The following MAN2A1 variants were observed in gnomAD, a reference collection of about 807,000 sequenced individuals.
The protein encoded by MAN2A1 is alpha-mannosidase 2.
MAN2A1 carries 76 observed loss-of-function variants against 142.6 expected under a neutral mutation model. The observed-to-expected ratio is 0.53, with a 90% CI of 0.44 to 0.65. The LOEUF (loss-of-function observed/expected upper bound fraction) is 0.65, where lower values mean the gene tolerates loss of function less well. Among genes scored for constraint, MAN2A1 ranks in the 30% least tolerant of loss-of-function variants. The pLI is 0.00. For synonymous variants in MAN2A1, 559 were observed against 473.2 expected (o/e 1.18, Z -2.35); for missense variants, 1,311 against 1,365.1 (o/e 0.96, Z 0.62).
chr5:109,796,927 C>T (rs1465364543), intron 12 of MAN2A1, among the ~76,000 whole-genome samples: 2 of 152,224 alleles, frequency 1.3e-5, no homozygotes, highest in Admixed American at 6.5e-5. Flanking sequence ...GGTAGACTAG[C>T]AGCTCCATGA....
chr5:109,865,105 A>G lies in MAN2A1; in HGVS notation c.3241A>G (p.Ser1081Gly). Residue 1081 changes from serine to glycine, a missense_variant, in exon 21 of 22, where the codon AGC becomes GGC. Coordinates refer to ENST00000261483, the MANE Select transcript of MAN2A1 (RefSeq NM_002372.4). ...HRKGFDCRFS[S>G]KGTGLFCSTT... Reference sequence around the variant, plus strand: ...AAAAGGGTTTGATTGTCGGTTCTCTAGCAAAGGCACAGGGCTGTTTTGTTC... The same window carrying G: ...AAAAGGGTTTGATTGTCGGTTCTCTGGCAAAGGCACAGGGCTGTTTTGTTC... 1 of 1,614,060 alleles carries G rather than the reference A, an allele frequency of 6.2e-7. No homozygotes were observed. The highest frequency in any genetic ancestry group is 1.1e-5 in the South Asian group (1 of 91,080).
At chr5:109,707,988 A>G (rs1319736387) in intron 1 of MAN2A1, among the ~76,000 whole-genome samples, 1 of 152,094 alleles carries the variant, frequency 6.6e-6, no homozygotes, top group African/African-American at 2.4e-5. Context: ...TCAGCGGGAG[A>G]TACAAATATG....
At chr5:109,734,818 G>T (rs1752037011) in intron 4 of MAN2A1, among the ~76,000 whole-genome samples, 1 of 152,130 alleles carries the variant, frequency 6.6e-6, no homozygotes, top group Non-Finnish European at 1.5e-5. Context: ...GAATAGGTGT[G>T]GTGCGGTGCT....
chr5:109,814,826 A>T (rs1183809803), intron 12 of MAN2A1, among the ~76,000 whole-genome samples: 1 of 152,146 alleles, frequency 6.6e-6, no homozygotes, highest in Non-Finnish European at 1.5e-5. Context: ...GATGCTTATT[A>T]TCTAATTTAT....
chr5:109,807,612 C>G (rs994626359), intron 12 of MAN2A1, among the ~76,000 whole-genome samples: 17 of 152,148 alleles, frequency 1.1e-4, no homozygotes, highest in Non-Finnish European at 2.2e-4. Flanking sequence ...TAGTCTTCTT[C>G]TCTGTTGGAT....
intron 6 of MAN2A1, among the ~76,000 whole-genome samples, chr5:109,769,432 G>A (rs1165738775): frequency 1.3e-5 from 2 of 152,014 alleles, no homozygotes; most frequent in African/African-American, 4.8e-5. Flanking sequence ...AAATTTTTTT[G>A]TCTTTCTGTT....
At chr5:109,774,579 T>C (rs1753231763) in intron 7 of MAN2A1, among the ~76,000 whole-genome samples, 1 of 152,164 alleles carries the variant, frequency 6.6e-6, no homozygotes, top group African/African-American at 2.4e-5. Flanking sequence ...AATTTATGAA[T>C]ATTTTTAAAG....
At chr5:109,820,500 C>T (rs1482669998) in intron 15 of MAN2A1, among the ~76,000 whole-genome samples, 158 bp downstream of exon 15, 2 of 152,130 alleles carry the variant, frequency 1.3e-5, no homozygotes, top group Non-Finnish European at 2.9e-5. Context: ...TGATACTTAG[C>T]AATTTGTAGT....
chr5:109,719,129 T>C (rs1036458103), intron 3 of MAN2A1, among the ~76,000 whole-genome samples: 3 of 152,206 alleles, frequency 2.0e-5, no homozygotes, highest in Admixed American at 6.5e-5. Context: ...TAGTAGGTCA[T>C]CTTCTGAGTA....
In MAN2A1 at chr5:109,716,239, G is replaced by A. The variant is rs560537247; in HGVS notation, c.510G>A (p.Val170=). The A allele has an allele frequency of 5.0e-6, 8 of 1,604,296 alleles. No homozygotes were observed. In the South Asian group the frequency reaches 9.0e-5, roughly 18 times the overall value. Residue 170 remains valine, a synonymous_variant, in exon 3 of 22, where the codon GTG becomes GTA. Coordinates refer to ENST00000261483, the MANE Select transcript of MAN2A1 (RefSeq NM_002372.4). ...ACACTGAACCCCTTCAAGTCTTTGT[G>A]GTGCCTCATTCCCATAACGACCCAG... ...EWDTEPLQVF[V]VPHSHNDPGW... is the part of the protein sequence containing the mutation.
intron 4 of MAN2A1, among the ~76,000 whole-genome samples, chr5:109,743,665 C>G (rs1347713179): frequency 6.6e-6 from 1 of 152,148 alleles, no homozygotes; most frequent in Non-Finnish European, 1.5e-5. Context: ...AGACTCTGAC[C>G]CCTGCTTTTC....
intron 12 of MAN2A1, among the ~76,000 whole-genome samples, chr5:109,807,901 C>T (rs2301016): frequency 0.31 from 46,427 of 151,982 alleles, 7,557 homozygotes; most frequent in East Asian, 0.64. Flanking sequence ...ATCTACTTCG[C>T]CGTCCTGCTT....
intron 16 of MAN2A1, among the ~76,000 whole-genome samples, chr5:109,841,049 C>T (rs1177109407): frequency 2.0e-5 from 3 of 152,144 alleles, no homozygotes; most frequent in Non-Finnish European, 2.9e-5. Flanking sequence ...CAGAAAGCGT[C>T]AGCTTTATTG....
chr5:109,838,848 A>G (rs1394063021), intron 16 of MAN2A1, among the ~76,000 whole-genome samples: 1 of 152,224 alleles, frequency 6.6e-6, no homozygotes, highest in East Asian at 1.9e-4. Flanking sequence ...ACAGGGTCTG[A>G]GTATAATACT....
chr5:109,793,035 G>C (rs1371780519), intron 12 of MAN2A1, among the ~76,000 whole-genome samples: 3 of 152,040 alleles, frequency 2.0e-5, no homozygotes, highest in Admixed American at 6.6e-5. Context: ...AGATTCAAGG[G>C]GAGGGAATTA....
intron 9 of MAN2A1, among the ~76,000 whole-genome samples, chr5:109,782,075 A>G (rs1021640340): frequency 5.3e-5 from 8 of 152,168 alleles, no homozygotes; most frequent in African/African-American, 1.7e-4. Context: ...AGAACTTTAG[A>G]CTAGGCTTCA....
intron 16 of MAN2A1, among the ~76,000 whole-genome samples, chr5:109,825,940 T>C (rs943934726): frequency 7.5e-6 from 1 of 133,104 alleles, no homozygotes; most frequent in Non-Finnish European, 1.6e-5. Context: ...AGAGTCTCGC[T>C]CTATCGCCCA....
intron 12 of MAN2A1, among the ~76,000 whole-genome samples, chr5:109,795,601 C>T (rs1753837989): frequency 6.6e-6 from 1 of 152,102 alleles, no homozygotes; most frequent in African/African-American, 2.4e-5. Flanking sequence ...CTGAAAAATG[C>T]AATTACTTGC....
chr5:109,706,813 T>TGG (rs1467663506), intron 1 of MAN2A1, among the ~76,000 whole-genome samples: 1 of 152,140 alleles, frequency 6.6e-6, no homozygotes, highest in Admixed American at 6.5e-5. Flanking sequence ...GCATACACTT[T>TGG]GGGGTAAAGT....
Sources: gnomAD v4.1 joint callset for allele counts (sites outside exome capture counted in the v4.1 genomes callset) on GRCh38, gnomAD v4.1.1 for gene constraint, MANE v1.5 for transcripts, NCBI Gene and HGNC (gene_info 2026-07-23, HGNC 2026-07-21) for gene names.